The following DSCAM variants were observed in gnomAD, a reference collection of about 807,000 sequenced individuals.
DSCAM encodes the protein DS cell adhesion molecule.
In DSCAM, 47 loss-of-function variants were observed where a neutral mutation model predicts 217.7. The observed-to-expected ratio is 0.22, with a 90% CI of 0.17 to 0.28. The LOEUF (loss-of-function observed/expected upper bound fraction) is 0.28, where lower values mean the gene tolerates loss of function less well. Among genes scored for constraint, DSCAM ranks in the 10% least tolerant of loss-of-function variants. DSCAM has a pLI of 1.00. For missense variants in DSCAM, 2,080 were observed against 2,618.3 expected (o/e 0.79, Z 4.49); for synonymous variants, 1,056 against 1,015.3 (o/e 1.04, Z -0.76).
Position 40,087,243 on chromosome 21 carries a change from A to C in DSCAM, c.3895T>G (p.Trp1299Gly). 1 of 1,614,136 alleles carries C rather than the reference A, an allele frequency of 6.2e-7. No homozygotes were observed. The highest frequency in any genetic ancestry group is 8.5e-7 in the Non-Finnish European group (1 of 1,179,978). Reference protein sequence around the residue: ...LTFSGTVTTPWMKDIVLPCKA... With the variant: ...LTFSGTVTTPGMKDIVLPCKA... ...CAAGGCAAGACAATGTCTTTCATCC[A>C]TGGAGTAGTCACTGTCCCACTGAAG... The change falls in exon 22 of 33, where the codon TGG becomes GGG. Residue 1299 changes from tryptophan to glycine, a missense_variant. Trp to Gly is a radical substitution (Grantham distance 184). Transcript: ENST00000400454.
intron 9 of DSCAM, among the ~76,000 whole-genome samples, chr21:40,299,124 A>T (rs2073986947): frequency 6.6e-6 from 1 of 152,202 alleles, no homozygotes. Context: ...CCTAAGAAAG[A>T]AGCTTCTGCA....
chr21:40,555,527 T>C (rs1458524760), intron 3 of DSCAM, among the ~76,000 whole-genome samples: 1 of 152,242 alleles, frequency 6.6e-6, no homozygotes, highest in Non-Finnish European at 1.5e-5. Context: ...ACCCACATTA[T>C]ATTGTATTTA....
chr21:40,639,402 G>C (rs906823109), intron 3 of DSCAM, among the ~76,000 whole-genome samples: 13 of 152,256 alleles, frequency 8.5e-5, no homozygotes, highest in Middle Eastern at 3.4e-3. Context: ...TACTGACAAA[G>C]TATGAGCAGT....
chr21:40,699,925 T>A (rs2103440), intron 2 of DSCAM, among the ~76,000 whole-genome samples: 15,073 of 152,178 alleles, frequency 0.099, 861 homozygotes, highest in Admixed American at 0.17. Context: ...ATATTTTCAA[T>A]GTACAGAAGA....
intron 3 of DSCAM, among the ~76,000 whole-genome samples, chr21:40,616,230 G>T (rs1366188277): frequency 1.3e-5 from 2 of 152,192 alleles, no homozygotes; most frequent in African/African-American, 4.8e-5. Flanking sequence ...GCCTGACAGT[G>T]CCAGAGTCTC....
At chr21:40,700,998 A>C (rs71318534) in intron 2 of DSCAM, among the ~76,000 whole-genome samples, 13,414 of 152,118 alleles carry the variant, frequency 0.088, 658 homozygotes, top group Middle Eastern at 0.15. Context: ...TGGTCTCCCA[A>C]AAGTGCTGGG....
chr21:40,337,951 G>C lies in DSCAM; in HGVS notation c.1783+150C>G, dbSNP rs1035885490. ...GTGAAGATTCAGTCAGTAGTAAAGA[G>C]GACATCTCATGTTCCCTGTCATTCT... On this transcript the variant is annotated intron_variant, in intron 8 of 32. Coordinates refer to ENST00000400454, the MANE Select transcript of DSCAM (RefSeq NM_001389.5). 9 of 990,762 alleles carry C rather than the reference G, an allele frequency of 9.1e-6. No homozygotes were observed. In the East Asian group the frequency reaches 2.2e-4, roughly 24 times the overall value. 61.4% of individuals were successfully genotyped at this position (990,762 alleles called of 1,614,324 possible).
At chr21:40,198,930 G>C (rs1397135796) in intron 11 of DSCAM, among the ~76,000 whole-genome samples, 1 of 152,214 alleles carries the variant, frequency 6.6e-6, no homozygotes, top group East Asian at 1.9e-4. Flanking sequence ...CGATGATGCT[G>C]TCCCTGAATG....
chr21:40,278,425 A>T (rs959652718), intron 10 of DSCAM, among the ~76,000 whole-genome samples: 1 of 152,160 alleles, frequency 6.6e-6, no homozygotes, highest in African/African-American at 2.4e-5. Context: ...ACAAAATAGC[A>T]TGATTGTGTT....
chr21:40,425,739 TTC>T (rs893471487), intron 3 of DSCAM, among the ~76,000 whole-genome samples: 9 of 151,980 alleles, frequency 5.9e-5, no homozygotes, highest in African/African-American at 1.9e-4. Context: ...ACAGCTTTTT[TTC>T]TGTTTTAGTA....
chr21:40,041,944 A>C lies in DSCAM; in HGVS notation c.5686+427T>G, dbSNP rs554875905. 2.6e-5 allele frequency among the ~76,000 whole-genome samples: 4 copies of C among 152,314 alleles called. No individual in the cohort carries two copies. In the Middle Eastern group the frequency reaches 0.01, roughly 389 times the overall value. On this transcript the variant is annotated intron_variant, in intron 32 of 32. Coordinates refer to ENST00000400454, the MANE Select transcript of DSCAM (RefSeq NM_001389.5). ...TGCCCAATAGAATATGACAGAAATG[A>C]TAGCTGTGTCAGTTTCCAGGCCCAA... is the stretch of plus-strand genomic sequence containing the variant.
chr21:40,492,023 A>T (rs62225509), intron 3 of DSCAM, among the ~76,000 whole-genome samples: 13,480 of 152,232 alleles, frequency 0.089, 701 homozygotes, highest in Middle Eastern at 0.16. Flanking sequence ...ATAAAGGAAA[A>T]CTTTTGTCTG....
At position 40,498,779 on chromosome 21, in the gene DSCAM, GTGTATATATATA is replaced by G. The variant is rs1366881089; in HGVS notation, c.509-129546_509-129535del. Among the ~76,000 whole-genome samples the G allele has an allele frequency of 1.8e-3, 128 of 70,120 alleles. 3 individuals carry two copies. The highest frequency in any genetic ancestry group is 5.1e-3 in the African/African-American group (108 of 21,194). 46.0% of individuals were successfully genotyped at this position (70,120 alleles called of 152,430 possible). A position where few individuals can be genotyped will look rare whatever the true frequency, so the allele number is the denominator to read the frequency against. ...TATGGGTGTATATATATATATGGGT[GTGTATATATATA>G]TATATATATATATATATATATATAT... On this transcript the variant is annotated intron_variant, in intron 3 of 32. Transcript: ENST00000400454.
chr21:40,041,569 T>A (rs546405963), intron 32 of DSCAM, among the ~76,000 whole-genome samples: 1 of 152,306 alleles, frequency 6.6e-6, no homozygotes, highest in African/African-American at 2.4e-5. Context: ...AACCCTGAAA[T>A]GGCCCATGTC....
intron 1 of DSCAM, among the ~76,000 whole-genome samples, chr21:40,781,807 T>C (rs907732368): frequency 6.6e-6 from 1 of 152,092 alleles, no homozygotes; most frequent in Non-Finnish European, 1.5e-5. Flanking sequence ...GGTTTCATCA[T>C]TAAATGGTCA....
chr21:40,470,330 C>T (rs1330331776), intron 3 of DSCAM, among the ~76,000 whole-genome samples: 1 of 152,186 alleles, frequency 6.6e-6, no homozygotes, highest in Non-Finnish European at 1.5e-5. Flanking sequence ...ATTAAAGAAC[C>T]TTGGATCCTA....
Position 40,846,784 on chromosome 21 carries a change from C to A in DSCAM, c.-123G>T. 3.8e-6 allele frequency: 1 copy of A among 261,330 alleles called. No individual in the cohort carries two copies. Among genetic ancestry groups the A allele is most frequent in the South Asian group, 1.3e-4 (1 of 7,660 alleles). The allele number at this position is 261,330 out of a possible 1,614,324, so 16.2% of individuals were successfully genotyped here. A position where few individuals can be genotyped will look rare whatever the true frequency, so the allele number is the denominator to read the frequency against. ...GGGCCGCCGCCCGCCCGCCGCCCGC[C>A]GCCGCCGCCGCCGCTGCCTAGCCGC... On this transcript the variant is annotated 5_prime_UTR_variant, in exon 1 of 33. Transcript: ENST00000400454.
chr21:40,399,411 G>C (rs1400481366), intron 3 of DSCAM, among the ~76,000 whole-genome samples: 2 of 152,202 alleles, frequency 1.3e-5, no homozygotes, highest in Non-Finnish European at 2.9e-5. Context: ...GTCACTTCTA[G>C]TTCCTAAATA....
chr21:40,572,527 A>G (rs770158291), intron 3 of DSCAM, among the ~76,000 whole-genome samples: 5 of 152,174 alleles, frequency 3.3e-5, no homozygotes, highest in Non-Finnish European at 5.9e-5. Flanking sequence ...TTAGAGCATA[A>G]AGAGATAGAT....
Sources: gnomAD v4.1 joint callset for allele counts (sites outside exome capture counted in the v4.1 genomes callset) on GRCh38, gnomAD v4.1.1 for gene constraint, MANE v1.5 for transcripts, NCBI Gene and HGNC (gene_info 2026-07-23, HGNC 2026-07-21) for gene names.